TEX2: variants seen among roughly 807,000 people sequenced by gnomAD.
The protein encoded by TEX2 is testis expressed 2, also known as testis-expressed protein 2.
In TEX2, 53 loss-of-function variants were observed where a neutral mutation model predicts 106.9. The ratio of observed to expected loss-of-function variants is 0.50; its 90% confidence interval spans 0.40 to 0.62. The LOEUF is 0.62. TEX2 is among the 20% of genes least tolerant of loss of function. The pLI, the probability that TEX2 is intolerant of heterozygous loss-of-function variation, is 0.00. For missense variants in TEX2, 1,207 were observed against 1,379.0 expected (o/e 0.88, Z 1.98); for synonymous variants, 523 against 534.8 (o/e 0.98, Z 0.30).
chr17:64,203,786 G>A (rs558923554), intron 2 of TEX2, among the ~76,000 whole-genome samples: 2 of 152,218 alleles, frequency 1.3e-5, no homozygotes, highest in Non-Finnish European at 1.5e-5. Context: ...GGAGGGAAGC[G>A]CCGTTAATAC....
At chr17:64,202,768 C>T (rs2032711266) in intron 2 of TEX2, among the ~76,000 whole-genome samples, 1 of 152,282 alleles carries the variant, frequency 6.6e-6, no homozygotes, top group South Asian at 2.1e-4. Flanking sequence ...ACAGCTCAAC[C>T]GAAAACTCTG....
chr17:64,249,445 C>A (rs1289931512), intron 1 of TEX2, among the ~76,000 whole-genome samples: 1 of 152,160 alleles, frequency 6.6e-6, no homozygotes, highest in Non-Finnish European at 1.5e-5. Flanking sequence ...GCTTGCAGAC[C>A]ATAAGAAAGC....
At position 64,196,512 on chromosome 17, in the gene TEX2, A is replaced by G. The variant is rs140144684; in HGVS notation, c.1645-1417T>C. 2.6e-4 allele frequency among the ~76,000 whole-genome samples: 40 copies of G among 152,268 alleles called. No homozygotes were observed. In the Middle Eastern group the frequency reaches 0.014, roughly 52 times the overall value. On this transcript the variant is annotated intron_variant, in intron 2 of 11. Transcript: ENST00000584379. ...CTCCCTCCTCCCAAAGAATGACCGG[A>G]CAGGAGCAGCATCTATTCAACAATA...
intron 1 of TEX2, among the ~76,000 whole-genome samples, chr17:64,252,329 T>C (rs2034108103): frequency 6.6e-6 from 1 of 152,152 alleles, no homozygotes; most frequent in Non-Finnish European, 1.5e-5. Flanking sequence ...ATCCAAGTTG[T>C]TTTTGTCTGT....
chr17:64,211,502 A>T (rs970459879), intron 2 of TEX2, among the ~76,000 whole-genome samples: 12 of 152,116 alleles, frequency 7.9e-5, no homozygotes, highest in African/African-American at 2.9e-4. Context: ...ATATGAAATT[A>T]AAAAAAATAA....
chr17:64,168,526 T>C (rs1423704846), intron 7 of TEX2, among the ~76,000 whole-genome samples: 1 of 152,184 alleles, frequency 6.6e-6, no homozygotes, highest in African/African-American at 2.4e-5. Flanking sequence ...AGCTTGACAC[T>C]TAGGTGTTTG....
intron 6 of TEX2, among the ~76,000 whole-genome samples, chr17:64,173,798 G>C (rs1044866809): frequency 3.3e-5 from 5 of 152,092 alleles, no homozygotes; most frequent in East Asian, 1.9e-4. Flanking sequence ...CCAAGTTAGA[G>C]AGACTTCCAA....
chr17:64,184,043 T>C (rs956317436), intron 5 of TEX2, among the ~76,000 whole-genome samples: 1 of 152,208 alleles, frequency 6.6e-6, no homozygotes, highest in African/African-American at 2.4e-5. Flanking sequence ...TCTTTTCATG[T>C]GCTTGCTTAT....
At chr17:64,180,222 A>G (rs2031799384) in intron 5 of TEX2, among the ~76,000 whole-genome samples, 1 of 152,238 alleles carries the variant, frequency 6.6e-6, no homozygotes, top group Admixed American at 6.5e-5. Flanking sequence ...ATACAAGAGA[A>G]TAAGTTACTT....
chr17:64,187,899 A>C (rs78838656), intron 5 of TEX2, among the ~76,000 whole-genome samples: 4,409 of 152,304 alleles, frequency 0.029, 212 homozygotes, highest in African/African-American at 0.1. Flanking sequence ...TAAAATTAAA[A>C]ATAAATAAAT....
intron 7 of TEX2, among the ~76,000 whole-genome samples, 186 bp downstream of exon 7, chr17:64,170,914 C>T (rs949850829): frequency 5.9e-5 from 9 of 152,154 alleles, no homozygotes; most frequent in Non-Finnish European, 1.0e-4. Flanking sequence ...GGATTACAGG[C>T]GTAAGCCACC....
At chr17:64,188,052 T>C in intron 5 of TEX2, 116 bp downstream of exon 5, 1 of 1,233,090 alleles carries the variant, frequency 8.1e-7, no homozygotes, top group South Asian at 1.4e-5. Context: ...GGTCCTTCTC[T>C]GTCTTGTGTA....
chr17:64,201,839 C>A (rs887876297), intron 2 of TEX2, among the ~76,000 whole-genome samples: 1 of 152,180 alleles, frequency 6.6e-6, no homozygotes, highest in Non-Finnish European at 1.5e-5. Flanking sequence ...GTCTGCCAAC[C>A]ACAACTGTAA....
At chr17:64,203,767 C>G (rs2032743528) in intron 2 of TEX2, among the ~76,000 whole-genome samples, 1 of 152,088 alleles carries the variant, frequency 6.6e-6, no homozygotes, top group African/African-American at 2.4e-5. Flanking sequence ...AGAAAGAAAG[C>G]CCATTAGGGG....
intron 6 of TEX2, among the ~76,000 whole-genome samples, 160 bp downstream of exon 6, chr17:64,177,165 T>A (rs1439249481): frequency 6.6e-6 from 1 of 152,184 alleles, no homozygotes; most frequent in East Asian, 1.9e-4. Context: ...AATCATAAGG[T>A]CAGTCTGTGA....
At chr17:64,209,737 C>T (rs1555631234) in intron 2 of TEX2, among the ~76,000 whole-genome samples, 1 of 152,216 alleles carries the variant, frequency 6.6e-6, no homozygotes, top group Admixed American at 6.5e-5. Context: ...CCTCCATCTG[C>T]ATGAGCACAT....
intron 1 of TEX2, among the ~76,000 whole-genome samples, chr17:64,247,407 A>G (rs1194907249): frequency 6.6e-6 from 1 of 152,206 alleles, no homozygotes; most frequent in East Asian, 1.9e-4. Flanking sequence ...AAACAAATGG[A>G]CTAAGAAAAC....
chr17:64,234,787 C>G (rs1555634941), intron 1 of TEX2, among the ~76,000 whole-genome samples: 1 of 152,116 alleles, frequency 6.6e-6, no homozygotes, highest in Admixed American at 6.5e-5. Context: ...TAAATGACAC[C>G]AAGAAATATT....
Position 64,171,157 on chromosome 17 carries a change from T to C in TEX2, c.2614A>G (p.Met872Val), listed in dbSNP as rs866465491. 8.7e-6 allele frequency: 14 copies of C among 1,614,058 alleles called. No homozygotes were observed. In the Middle Eastern group the frequency reaches 2.0e-3, roughly 228 times the overall value. The change falls in exon 7 of 12, where the codon ATG becomes GTG. Residue 872 changes from methionine (M) to valine (V), a missense_variant. By Grantham distance (21) the Met-to-Val change is conservative (BLOSUM62 1). This residue lies in a region of TEX2 where 1,067 missense variants were observed against 1,193.6 expected (regional missense o/e 0.89). Coordinates refer to ENST00000584379, the MANE Select transcript of TEX2 (RefSeq NM_001288732.2). The part of the protein sequence containing the change: ...MNELTLTELD[M>V]GVAVPKILQA... The stretch of plus-strand genomic sequence containing the variant: ...AGGATTTTTGGCACAGCCACGCCCA[T>C]GTCAAGTTCCGTCAGAGTGAGCTCA...
Sources: allele counts gnomAD v4.1 joint callset (sites outside exome capture counted in the v4.1 genomes callset), GRCh38; gene constraint gnomAD v4.1.1; regional missense constraint gnomAD v4.1.1; transcripts MANE v1.5; gene names NCBI Gene and HGNC (gene_info 2026-07-23, HGNC 2026-07-21).